CLEC16A: variants seen among roughly 807,000 people sequenced by gnomAD.
CLEC16A encodes C-type lectin domain containing 16A.
CLEC16A carries 51 observed loss-of-function variants against 109.5 expected under a neutral mutation model. That is an observed-to-expected ratio of 0.47 (90% CI 0.37 to 0.59). The LOEUF is 0.59. Among genes scored for constraint, CLEC16A ranks in the 20% least tolerant of loss-of-function variants. The pLI, the probability that CLEC16A is intolerant of heterozygous loss-of-function variation, is 0.00. For missense variants in CLEC16A, 1,339 were observed against 1,394.0 expected, an observed-to-expected ratio of 0.96 and a Z score of 0.63; for synonymous variants, 673 against 564.2, an observed-to-expected ratio of 1.19 and a Z score of -2.73.
At chr16:11,025,813 T>G (rs912020242) in intron 13 of CLEC16A, among the ~76,000 whole-genome samples, 3 of 152,200 alleles carry the variant, frequency 2.0e-5, no homozygotes, top group South Asian at 4.1e-4. Context: ...GAAGGGTATA[T>G]AGGGAAAAAG....
At chr16:11,079,148 G>A (rs1036744909) in intron 19 of CLEC16A, among the ~76,000 whole-genome samples, 6 of 152,164 alleles carry the variant, frequency 3.9e-5, no homozygotes, top group African/African-American at 1.4e-4. Context: ...ATAATCACTT[G>A]CATGGGCTAG....
At chr16:11,083,276 C>T (rs529232101) in intron 19 of CLEC16A, among the ~76,000 whole-genome samples, 61 of 152,342 alleles carry the variant, frequency 4.0e-4, no homozygotes, top group African/African-American at 1.3e-3. Flanking sequence ...AATCCTCCCA[C>T]CTCAGCTTGC....
intron 19 of CLEC16A, among the ~76,000 whole-genome samples, chr16:11,086,029 T>TGG (rs1162505854): frequency 2.0e-5 from 3 of 152,256 alleles, no homozygotes; most frequent in Non-Finnish European, 4.4e-5. Flanking sequence ...TAATAGCCGC[T>TGG]TCACAGGGAG....
chr16:11,126,008 A>G lies in CLEC16A; in HGVS notation c.2503A>G (p.Thr835Ala), dbSNP rs1190412022. 6.3e-7 allele frequency: 1 copy of G among 1,599,706 alleles called. No homozygotes were observed. The highest frequency in any genetic ancestry group is 8.5e-7 in the Non-Finnish European group (1 of 1,175,264). The change falls in exon 22 of 24, where the codon ACT becomes GCT. Residue 835 changes from threonine to alanine, a missense_variant. Thr to Ala is a moderately conservative substitution (Grantham distance 58). Transcript: ENST00000409790. ...CCTGGACCTCCCAATCCAGCCCACCACTGAAGTCCTGGGGTTTGGACTCGG... is the reference window on the plus strand; with the variant it reads ...CCTGGACCTCCCAATCCAGCCCACCGCTGAAGTCCTGGGGTTTGGACTCGG... ...ALLDLPIQPT[T>A]EVLGFGLGSS...
chr16:11,011,542 A>C (rs1291288770), intron 11 of CLEC16A, among the ~76,000 whole-genome samples: 1 of 151,988 alleles, frequency 6.6e-6, no homozygotes, highest in Non-Finnish European at 1.5e-5. Flanking sequence ...TTCTGTGTTC[A>C]TCTAGTACCT....
intron 19 of CLEC16A, among the ~76,000 whole-genome samples, chr16:11,073,257 T>C (rs1281227483): frequency 6.6e-6 from 1 of 152,074 alleles, no homozygotes; most frequent in East Asian, 1.9e-4. Flanking sequence ...CAGTCCTCAG[T>C]CCTCATGGGG....
At chr16:10,977,186 T>G in intron 7 of CLEC16A, 39 bp from the exon 8 acceptor site, 3 of 1,595,396 alleles carry the variant, frequency 1.9e-6, no homozygotes, top group Non-Finnish European at 2.6e-6. Flanking sequence ...AGGCTCCTAG[T>G]GTTGGCCTCC....
At chr16:10,995,156 G>GTTAT (rs1567171683) in intron 10 of CLEC16A, among the ~76,000 whole-genome samples, 1 of 152,258 alleles carries the variant, frequency 6.6e-6, no homozygotes, top group African/African-American at 2.4e-5. Flanking sequence ...CAGGATGGCT[G>GTTAT]TTATTACCTG....
At chr16:11,162,629 G>A (rs1265546995) in intron 22 of CLEC16A, among the ~76,000 whole-genome samples, 1 of 152,166 alleles carries the variant, frequency 6.6e-6, no homozygotes, top group East Asian at 1.9e-4. Context: ...AAACATATGG[G>A]ACATGCTTTT....
chr16:10,958,852 C>T (rs1372145496), intron 2 of CLEC16A, among the ~76,000 whole-genome samples: 1 of 152,012 alleles, frequency 6.6e-6, no homozygotes, highest in East Asian at 1.9e-4. Flanking sequence ...TGCAATGAGC[C>T]ATGATCTTGC....
chr16:11,120,055 C>T (rs915920918), intron 19 of CLEC16A, among the ~76,000 whole-genome samples: 7 of 152,184 alleles, frequency 4.6e-5, no homozygotes, highest in African/African-American at 1.7e-4. Flanking sequence ...CTGCAACCTC[C>T]ACCTCCCAGA....
intron 22 of CLEC16A, among the ~76,000 whole-genome samples, chr16:11,160,871 A>G (rs1008898360): frequency 7.9e-5 from 12 of 152,130 alleles, no homozygotes; most frequent in African/African-American, 2.9e-4. Context: ...CAGCCATTGC[A>G]TCCATTTTCC....
In CLEC16A at chr16:11,179,025, A is replaced by C; in HGVS notation, c.*335A>C. 2 of 279,638 alleles carry C rather than the reference A, an allele frequency of 7.2e-6. No individual in the cohort carries two copies. The highest frequency in any genetic ancestry group is 6.7e-6 in the Non-Finnish European group (1 of 150,042). 17.3% of individuals were successfully genotyped at this position (279,638 alleles called of 1,614,324 possible). A position where few individuals can be genotyped will look rare whatever the true frequency, so the allele number is the denominator to read the frequency against. On this transcript the variant is annotated 3_prime_UTR_variant, in exon 24 of 24. Coordinates refer to ENST00000409790, the MANE Select transcript of CLEC16A (RefSeq NM_015226.3). Reference sequence around the variant, plus strand: ...CGGCACCTCTTTCTTCCTCTGTCATATGGCTCCTCTGTCACCAGCCCCAGT... The same window carrying C: ...CGGCACCTCTTTCTTCCTCTGTCATCTGGCTCCTCTGTCACCAGCCCCAGT...
At chr16:11,091,384 G>A (rs908397434) in intron 19 of CLEC16A, among the ~76,000 whole-genome samples, 9 of 152,182 alleles carry the variant, frequency 5.9e-5, no homozygotes, top group South Asian at 2.1e-4. Flanking sequence ...CCCCAGTGGC[G>A]CCTGAGAGGC....
intron 19 of CLEC16A, among the ~76,000 whole-genome samples, chr16:11,081,158 T>C (rs761524769): frequency 2.0e-5 from 3 of 152,240 alleles, no homozygotes; most frequent in Non-Finnish European, 4.4e-5. Flanking sequence ...CCTCCTGCCC[T>C]GTCCTTGGCA....
At chr16:10,984,246 A>T (rs985025078) in intron 10 of CLEC16A, among the ~76,000 whole-genome samples, 66 of 152,116 alleles carry the variant, frequency 4.3e-4, no homozygotes, top group Admixed American at 4.3e-3. Context: ...TTGGTGTATG[A>T]TGGTCTGGCC....
At chr16:10,978,616 C>G (rs946997461) in intron 8 of CLEC16A, among the ~76,000 whole-genome samples, 2 of 152,144 alleles carry the variant, frequency 1.3e-5, no homozygotes, top group African/African-American at 4.8e-5. Context: ...TCAAAGCACG[C>G]TGCTTTTCCT....
At chr16:10,976,256 C>G (rs181186353) in intron 7 of CLEC16A, among the ~76,000 whole-genome samples, 6 of 152,044 alleles carry the variant, frequency 3.9e-5, no homozygotes, top group Non-Finnish European at 5.9e-5. Context: ...GGTAACAAAA[C>G]AAGACCCTAT....
intron 3 of CLEC16A, among the ~76,000 whole-genome samples, chr16:10,967,317 G>C (rs1255757038): frequency 6.6e-6 from 1 of 152,118 alleles, no homozygotes; most frequent in African/African-American, 2.4e-5. Flanking sequence ...TAGGTACCTC[G>C]ACGGCTCCAA....
Sources: allele counts gnomAD v4.1 joint callset (sites outside exome capture counted in the v4.1 genomes callset), GRCh38; gene constraint gnomAD v4.1.1; transcripts MANE v1.5; gene names NCBI Gene and HGNC (gene_info 2026-07-23, HGNC 2026-07-21).